The following ATP9B variants were observed in gnomAD, a reference collection of about 807,000 sequenced individuals.
ATP9B encodes the protein probable phospholipid-transporting ATPase IIB.
A neutral mutation model predicts 146.1 loss-of-function variants in ATP9B; 110 were observed. The ratio of observed to expected loss-of-function variants is 0.75; its 90% CI spans 0.65 to 0.88. The LOEUF (loss-of-function observed/expected upper bound fraction) is 0.88. ATP9B is among the 40% of genes least tolerant of loss of function. The pLI, the probability that ATP9B is intolerant of heterozygous loss-of-function variation, is 0.00. For missense variants in ATP9B, 1,499 were observed against 1,496.4 expected, an observed-to-expected ratio of 1.00 and a Z score of -0.03; for synonymous variants, 604 against 569.7, an observed-to-expected ratio of 1.06 and a Z score of -0.86.
At chr18:79,235,256 A>G (rs1414938141) in intron 11 of ATP9B, among the ~76,000 whole-genome samples, 3 of 152,204 alleles carry the variant, frequency 2.0e-5, no homozygotes, top group Non-Finnish European at 4.4e-5. Context: ...TAAGACATTA[A>G]GTCCAGTTTT....
chr18:79,300,004 G>A (rs971371463), intron 13 of ATP9B: 2 of 152,270 alleles, frequency 1.3e-5, no homozygotes, highest in East Asian at 3.9e-4. Context: ...AAGCAGTGGC[G>A]AGGCACGGAT....
intron 11 of ATP9B, among the ~76,000 whole-genome samples, chr18:79,220,554 T>C (rs1303225384): frequency 1.3e-5 from 2 of 152,068 alleles, no homozygotes; most frequent in African/African-American, 4.8e-5. Flanking sequence ...TGAGCCATGA[T>C]TGCACCACTG....
intron 25 of ATP9B, chr18:79,353,984 C>T (rs997966394): frequency 1.3e-5 from 2 of 152,032 alleles, no homozygotes; most frequent in Non-Finnish European, 2.9e-5. Context: ...ATTTAGTGCC[C>T]AGCAGTAACT....
intron 9 of ATP9B, among the ~76,000 whole-genome samples, chr18:79,199,768 A>G (rs1039010480): frequency 1.4e-5 from 1 of 71,378 alleles, no homozygotes; most frequent in African/African-American, 1.1e-4. Flanking sequence ...ATCTGAAAAA[A>G]AAAAAAAAAA....
At chr18:79,321,859 C>T (rs1019371685) in intron 15 of ATP9B, among the ~76,000 whole-genome samples, 1 of 152,060 alleles carries the variant, frequency 6.6e-6, no homozygotes, top group East Asian at 1.9e-4. Flanking sequence ...CAGTGGGGCA[C>T]CAGTGAGATG....
At chr18:79,169,425 G>A (rs1250293189) in intron 7 of ATP9B, among the ~76,000 whole-genome samples, 1 of 152,192 alleles carries the variant, frequency 6.6e-6, no homozygotes, top group African/African-American at 2.4e-5. Flanking sequence ...ATATGTGGGA[G>A]CTTGCTGTGT....
At chr18:79,187,616 C>A (rs961770538) in intron 8 of ATP9B, among the ~76,000 whole-genome samples, 1 of 152,152 alleles carries the variant, frequency 6.6e-6, no homozygotes, top group Non-Finnish European at 1.5e-5. Flanking sequence ...TTTTGTTTCC[C>A]GTTGAGTGTC....
At chr18:79,111,533 C>G (rs1205932208) in intron 3 of ATP9B, among the ~76,000 whole-genome samples, 1 of 152,110 alleles carries the variant, frequency 6.6e-6, no homozygotes, top group Admixed American at 6.6e-5. Flanking sequence ...AACTGTCTTA[C>G]AGGCAGATAA....
chr18:79,367,870 G>A (rs2097044071), intron 26 of ATP9B, among the ~76,000 whole-genome samples: 1 of 152,250 alleles, frequency 6.6e-6, no homozygotes, highest in South Asian at 2.1e-4. Context: ...TTGAGGAGCA[G>A]CCAGGTCATT....
intron 1 of ATP9B, among the ~76,000 whole-genome samples, chr18:79,076,626 G>A (rs2072652846): frequency 6.6e-6 from 1 of 152,012 alleles, no homozygotes; most frequent in Admixed American, 6.6e-5. Context: ...TCTGGGTCTT[G>A]GTATGGATTT....
At chr18:79,202,778 T>C (rs1036208389) in intron 9 of ATP9B, among the ~76,000 whole-genome samples, 1 of 152,164 alleles carries the variant, frequency 6.6e-6, no homozygotes, top group African/African-American at 2.4e-5. Context: ...ATAGATATTG[T>C]GTTTTCTTCA....
chr18:79,290,386 C>T (rs1342689577), intron 13 of ATP9B, among the ~76,000 whole-genome samples: 4 of 152,230 alleles, frequency 2.6e-5, no homozygotes. Context: ...TGCTAGCAAT[C>T]AGCGAGACTC....
At chr18:79,253,298 T>A (rs1433551598) in intron 11 of ATP9B, 83 bp from the exon 12 acceptor site, 5 of 1,229,372 alleles carry the variant, frequency 4.1e-6, no homozygotes, top group Non-Finnish European at 4.4e-6. Context: ...TTTTTTTTTA[T>A]GTCATCACTA....
chr18:79,216,609 A>G (rs1402606709), intron 11 of ATP9B, among the ~76,000 whole-genome samples: 1 of 152,194 alleles, frequency 6.6e-6, no homozygotes, highest in Non-Finnish European at 1.5e-5. Flanking sequence ...AGTTTGTGCA[A>G]GGCAGGAGGT....
intron 26 of ATP9B, among the ~76,000 whole-genome samples, chr18:79,365,731 G>C (rs973453765): frequency 6.6e-6 from 1 of 151,760 alleles, no homozygotes. Flanking sequence ...GACGGGGACA[G>C]CCCATGCGTG....
chr18:79,082,979 T>C (rs1035469742), intron 1 of ATP9B, among the ~76,000 whole-genome samples: 1 of 152,204 alleles, frequency 6.6e-6, no homozygotes, highest in African/African-American at 2.4e-5. Context: ...GGCAGGAACA[T>C]TTAAGTCTGC....
chr18:79,277,429 G>A (rs1307414922), intron 13 of ATP9B, among the ~76,000 whole-genome samples: 1 of 151,848 alleles, frequency 6.6e-6, no homozygotes, highest in South Asian at 2.1e-4. Flanking sequence ...AGTTCTTAGA[G>A]CTTTAAGTAA....
At chr18:79,174,113 G>T (rs1377532789) in intron 7 of ATP9B, 4 of 353,966 alleles carry the variant, frequency 1.1e-5, no homozygotes, top group Admixed American at 4.1e-5. Flanking sequence ...GCTTTATTTA[G>T]GAAGAATAAG....
At chr18:79,074,988 C>T (rs2072428292) in intron 1 of ATP9B, among the ~76,000 whole-genome samples, 1 of 152,158 alleles carries the variant, frequency 6.6e-6, no homozygotes, top group South Asian at 2.1e-4. Flanking sequence ...TTGAAAATAA[C>T]ATTTATTTTG....
Sources: gnomAD v4.1 joint callset for allele counts (sites outside exome capture counted in the v4.1 genomes callset) on GRCh38, gnomAD v4.1.1 for gene constraint, MANE v1.5 for transcripts, NCBI Gene and HGNC (gene_info 2026-07-23, HGNC 2026-07-21) for gene names.